Variants in VGLL4 observed in about 807,000 individuals in gnomAD.
VGLL4 encodes the protein vestigial like family member 4.
Under a neutral mutation model 21.0 loss-of-function variants are expected in VGLL4, and 7 were observed. The ratio of observed to expected loss-of-function variants is 0.33; its 90% CI spans 0.19 to 0.63. The LOEUF is 0.63. Ranked by LOEUF, VGLL4 falls within the 20% of genes least tolerant of loss-of-function variation. VGLL4 has a pLI of 0.78. For synonymous variants in VGLL4, 222 were observed against 173.2 expected (o/e 1.28, Z -2.21); for missense variants, 394 against 425.7 (o/e 0.93, Z 0.66).
chr3:11,592,606 A>G (rs2074526984), intron 2 of VGLL4, among the ~76,000 whole-genome samples: 1 of 152,182 alleles, frequency 6.6e-6, no homozygotes, highest in Non-Finnish European at 1.5e-5. Flanking sequence ...GTCCCAAACT[A>G]TCAGGCATTA....
intron 1 of VGLL4, among the ~76,000 whole-genome samples, chr3:11,620,921 C>G (rs1025025961): frequency 6.6e-6 from 1 of 152,174 alleles, no homozygotes; most frequent in African/African-American, 2.4e-5. Context: ...ATTGTCAGCT[C>G]CTCAAGAAGG....
In VGLL4 at chr3:11,668,904, C is replaced by T. The variant is rs530702283; in HGVS notation, c.64+34067G>A. Among the ~76,000 whole-genome samples the T allele has an allele frequency of 9.4e-5, 11 of 116,592 alleles. No individual in the cohort carries two copies. In the South Asian group the frequency reaches 4.0e-3, roughly 43 times the overall value. The allele number at this position is 116,592 out of a possible 152,430, so 76.5% of individuals were successfully genotyped here. A position where few individuals can be genotyped will look rare whatever the true frequency, so the allele number is the denominator to read the frequency against. On this transcript the variant is annotated intron_variant, in intron 2 of 5. Transcript: ENST00000273038. ...TGTCTTCACCCTTCTCCAAGTACAT[C>T]CACACATTTTACATTTCATGCCAGG...
Position 11,562,817 on chromosome 3 carries a change from C to T in VGLL4, c.495+1980G>A, listed in dbSNP as rs181311347. On this transcript the variant is annotated intron_variant, in intron 3 of 4. Transcript: ENST00000430365. ...GGAAAATGGGCAGCTTGGGGTACCC[C>T]GTGGCCCCTGGCTTTGTCCTCAGTC... Among the ~76,000 whole-genome samples the T allele has an allele frequency of 1.2e-4, 19 of 152,366 alleles. No individual in the cohort carries two copies. The East Asian group carries it at 3.3e-3, about 26-fold the overall frequency.
chr3:11,574,779 C>CTGTGTGTGTGTGTGTG (rs972259363), intron 2 of VGLL4, among the ~76,000 whole-genome samples: 1 of 121,790 alleles, frequency 8.2e-6, no homozygotes, highest in African/African-American at 3.1e-5. Context: ...GTCAATTCAA[C>CTGTGTGTGTGTGTGTG]TATATATGTG....
chr3:11,637,799 G>A (rs2075616279), intron 1 of VGLL4, among the ~76,000 whole-genome samples: 1 of 152,166 alleles, frequency 6.6e-6, no homozygotes, highest in African/African-American at 2.4e-5. Flanking sequence ...AGCAACCACG[G>A]TTAGGATTTT....
intron 2 of VGLL4, among the ~76,000 whole-genome samples, chr3:11,590,865 T>C (rs1453118293): frequency 6.6e-6 from 1 of 152,086 alleles, no homozygotes; most frequent in Non-Finnish European, 1.5e-5. Flanking sequence ...AGCAAGAAAT[T>C]AGAGGAAAAT....
At chr3:11,685,526 GCA>G (rs1277881433) in intron 2 of VGLL4, among the ~76,000 whole-genome samples, 2 of 152,144 alleles carry the variant, frequency 1.3e-5, no homozygotes, top group Non-Finnish European at 2.9e-5. Context: ...TGTCACTGAT[GCA>G]CAGTTAGGCT....
At chr3:11,560,579 G>C (rs890077740) in intron 3 of VGLL4, among the ~76,000 whole-genome samples, 85 of 152,350 alleles carry the variant, frequency 5.6e-4, no homozygotes, top group South Asian at 1.2e-3. Flanking sequence ...CAGTGATTGG[G>C]AATGGTGAAA....
chr3:11,680,298 C>T (rs114653142), intron 2 of VGLL4, among the ~76,000 whole-genome samples: 4 of 152,220 alleles, frequency 2.6e-5, no homozygotes, highest in Non-Finnish European at 2.9e-5. Context: ...CAAAGCCTGA[C>T]TGTACTCCCT....
chr3:11,679,575 C>T (rs1443152090), intron 2 of VGLL4, among the ~76,000 whole-genome samples: 1 of 151,896 alleles, frequency 6.6e-6, no homozygotes, highest in Non-Finnish European at 1.5e-5. Flanking sequence ...CCCTGCTACT[C>T]GGGAGGCTGA....
chr3:11,624,434 G>A (rs1333168285), intron 1 of VGLL4, among the ~76,000 whole-genome samples: 1 of 152,112 alleles, frequency 6.6e-6, no homozygotes, highest in South Asian at 2.1e-4. Flanking sequence ...AGGCCGTCCT[G>A]GTTACCTCCT....
At chr3:11,684,791 A>C (rs1315447145) in intron 2 of VGLL4, among the ~76,000 whole-genome samples, 1 of 150,396 alleles carries the variant, frequency 6.6e-6, no homozygotes, top group Non-Finnish European at 1.5e-5. Context: ...TTTCATTTGC[A>C]ATTCCTTTTG....
intron 1 of VGLL4, among the ~76,000 whole-genome samples, chr3:11,617,950 A>C (rs948953329): frequency 1.3e-5 from 2 of 152,354 alleles, no homozygotes; most frequent in Middle Eastern, 6.8e-3. Context: ...CATTTTCTTT[A>C]AACAATTTAG....
chr3:11,677,804 T>C (rs1438766842), intron 2 of VGLL4, among the ~76,000 whole-genome samples: 4 of 150,500 alleles, frequency 2.7e-5, no homozygotes, highest in Non-Finnish European at 3.0e-5. Flanking sequence ...ACTTGAGAGG[T>C]TGAGGCAGGG....
At chr3:11,681,339 C>T (rs926235238) in intron 2 of VGLL4, among the ~76,000 whole-genome samples, 2 of 152,190 alleles carry the variant, frequency 1.3e-5, no homozygotes, top group Admixed American at 6.5e-5. Flanking sequence ...CCTTGTGATC[C>T]ACCTGCCCCA....
chr3:11,590,507 T>G (rs1161493252), intron 2 of VGLL4, among the ~76,000 whole-genome samples: 1 of 152,186 alleles, frequency 6.6e-6, no homozygotes, highest in Non-Finnish European at 1.5e-5. Flanking sequence ...TTCTGCAGTA[T>G]GTGTTGCCTC....
intron 1 of VGLL4, among the ~76,000 whole-genome samples, chr3:11,605,553 C>T (rs1462616775): frequency 6.6e-6 from 1 of 152,016 alleles, no homozygotes; most frequent in Non-Finnish European, 1.5e-5. Context: ...TAAGTTCATA[C>T]ATCCTGCAAA....
intron 2 of VGLL4, among the ~76,000 whole-genome samples, chr3:11,660,754 A>C (rs2076025910): frequency 1.3e-5 from 2 of 152,196 alleles, no homozygotes; most frequent in African/African-American, 4.8e-5. Flanking sequence ...GCATAAACTC[A>C]ACATATATAC....
chr3:11,616,282 C>A (rs1378251073), intron 1 of VGLL4, among the ~76,000 whole-genome samples: 1 of 152,222 alleles, frequency 6.6e-6, no homozygotes, highest in African/African-American at 2.4e-5. Context: ...CTTCTTCAAG[C>A]TCTTCCTCAG....
Sources: gnomAD v4.1 joint callset for allele counts (sites outside exome capture counted in the v4.1 genomes callset) on GRCh38, gnomAD v4.1.1 for gene constraint, MANE v1.5 for transcripts, NCBI Gene and HGNC (gene_info 2026-07-23, HGNC 2026-07-21) for gene names.